CLEC2D: variants seen among roughly 807,000 people sequenced by gnomAD.
The protein encoded by CLEC2D is C-type lectin domain family 2 member D, also known as C-type lectin related f.
CLEC2D carries 16 observed loss-of-function variants against 20.0 expected under a neutral mutation model. The ratio of observed to expected loss-of-function variants is 0.80; its 90% CI spans 0.54 to 1.22. The LOEUF is 1.22. Among genes scored for constraint, CLEC2D ranks in the 50% most tolerant of loss-of-function variants. The probability of loss-of-function intolerance (pLI) is 0.00; values close to 1 mark genes in which losing one functional copy is unlikely to be tolerated. For missense variants in CLEC2D, 207 were observed against 221.5 expected, an observed-to-expected ratio of 0.93 and a Z score of 0.42; for synonymous variants, 77 against 71.1, an observed-to-expected ratio of 1.08 and a Z score of -0.42.
intron 3 of CLEC2D, among the ~76,000 whole-genome samples, chr12:9,691,450 G>A (rs1320930198): frequency 6.6e-6 from 1 of 152,016 alleles, no homozygotes; most frequent in South Asian, 2.1e-4. Context: ...TACCCAACAA[G>A]AGCAGAATAT....
intron 2 of CLEC2D, among the ~76,000 whole-genome samples, chr12:9,684,614 C>T (rs1308651988): frequency 6.6e-6 from 1 of 152,022 alleles, no homozygotes. Context: ...TTATCAAAGG[C>T]CTTTTCTGCA....
chr12:9,678,004 T>C (rs962085408), intron 1 of CLEC2D, among the ~76,000 whole-genome samples: 1 of 152,286 alleles, frequency 6.6e-6, no homozygotes, highest in South Asian at 2.1e-4. Flanking sequence ...ATTACAGTCA[T>C]GAGCCAATAT....
At chr12:9,684,386 T>C (rs947142516) in intron 2 of CLEC2D, among the ~76,000 whole-genome samples, 1 of 152,232 alleles carries the variant, frequency 6.6e-6, no homozygotes, top group Non-Finnish European at 1.5e-5. Context: ...TTCTTTTACC[T>C]GATTGCCCTG....
chr12:9,692,143 C>T (rs986617941), intron 3 of CLEC2D, among the ~76,000 whole-genome samples: 9 of 151,590 alleles, frequency 5.9e-5, no homozygotes, highest in Non-Finnish European at 1.0e-4. Flanking sequence ...TTCGTTCGTT[C>T]GTTTCTTTTT....
chr12:9,682,423 G>A (rs1865655654), intron 2 of CLEC2D, among the ~76,000 whole-genome samples: 2 of 151,896 alleles, frequency 1.3e-5, no homozygotes, highest in Admixed American at 6.6e-5. Flanking sequence ...GAACCCGCAG[G>A]TTCGTTACAT....
intron 1 of CLEC2D, among the ~76,000 whole-genome samples, chr12:9,673,177 T>C (rs1865456897): frequency 6.6e-6 from 1 of 152,246 alleles, no homozygotes; most frequent in African/African-American, 2.4e-5. Context: ...GTTTTTTCAT[T>C]GTTTTTTCCT....
chr12:9,695,280 A>G lies in CLEC2D; in HGVS notation c.*406A>G, dbSNP rs1161901820. On this transcript the variant is annotated 3_prime_UTR_variant, in exon 5 of 5. Transcript: ENST00000290855. ...TCAGATATCTTGAGACAAGAACAGT[A>G]TGGGGCTCCCTGGTGTGATTCCGTC... 8.5e-6 allele frequency: 6 copies of G among 705,872 alleles called. No homozygotes were observed. Among genetic ancestry groups the G allele is most frequent in the African/African-American group, 1.8e-5 (1 of 57,106 alleles). 43.7% of individuals were successfully genotyped at this position (705,872 alleles called of 1,614,324 possible). A position where few individuals can be genotyped will look rare whatever the true frequency, so the allele number is the denominator to read the frequency against.
Position 9,696,729 on chromosome 12 carries a change from G to T in CLEC2D, c.*1855G>T, listed in dbSNP as rs1866003468. The T allele has an allele frequency of 6.4e-6, 1 of 155,254 alleles. No individual in the cohort carries two copies. Among genetic ancestry groups the T allele is most frequent in the South Asian group, 2.0e-4 (1 of 4,930 alleles). The allele number at this position is 155,254 out of a possible 1,614,324, so 9.6% of individuals were successfully genotyped here. ...AAATAACAAGCATTGGTGAGAGTGT[G>T]GAGAAGACGGAACCCTTGTACACAG... On this transcript the variant is annotated 3_prime_UTR_variant, in exon 5 of 5. Transcript: ENST00000290855.
chr12:9,686,018 C>CA (rs1186425765), intron 2 of CLEC2D, among the ~76,000 whole-genome samples: 2 of 152,054 alleles, frequency 1.3e-5, no homozygotes, highest in African/African-American at 4.8e-5. Context: ...CTGTGGGTTG[C>CA]AAAAACCGTG....
At position 9,691,184 on chromosome 12, in the gene CLEC2D, T is replaced by G. The variant is rs763050276; in HGVS notation, c.358-1644T>G. ...TTACAAGAGAAAAAGAAGGGCATTA[T>G]GCATTGACAAAAATTTTGACATAGC... is the stretch of plus-strand genomic sequence containing the variant. On this transcript the variant is annotated intron_variant, in intron 3 of 4. Coordinates refer to ENST00000290855, the MANE Select transcript of CLEC2D (RefSeq NM_013269.6). 5.3e-5 allele frequency among the ~76,000 whole-genome samples: 8 copies of G among 151,358 alleles called. No homozygotes were observed. The East Asian group carries it at 1.5e-3, about 29-fold the overall frequency.
intron 1 of CLEC2D, among the ~76,000 whole-genome samples, chr12:9,678,617 G>A (rs915658615): frequency 1.8e-4 from 27 of 152,098 alleles, no homozygotes; most frequent in African/African-American, 6.5e-4. Context: ...ATAGCTCCCT[G>A]TACCCTTGAA....
chr12:9,691,397 C>T (rs774739047), intron 3 of CLEC2D, among the ~76,000 whole-genome samples: 6 of 152,098 alleles, frequency 3.9e-5, no homozygotes, highest in Non-Finnish European at 5.9e-5. Context: ...ATTTGAACAA[C>T]ACTATAAACC....
Position 9,681,002 on chromosome 12 carries a change from C to T in CLEC2D, c.141C>T (p.Ile47=), listed in dbSNP as rs892148226. The T allele has an allele frequency of 6.3e-7, 1 of 1,598,338 alleles. No homozygotes were observed. The highest frequency in any genetic ancestry group is 1.7e-5 in the Admixed American group (1 of 59,942). The stretch of plus-strand genomic sequence containing the variant: ...TTTTCTTAATCATGTTTCTGACAAT[C>T]ATAGTGTGTGGAATGGTTGCTGCTT... The part of the protein sequence containing the change: ...RLFFLIMFLT[I]IVCGMVAALS... The change falls in exon 2 of 5, where the codon ATC becomes ATT. Residue 47 remains isoleucine (I), a synonymous_variant. Transcript: ENST00000290855.
chr12:9,684,205 T>G (rs947029764), intron 2 of CLEC2D, among the ~76,000 whole-genome samples: 1 of 152,226 alleles, frequency 6.6e-6, no homozygotes, highest in African/African-American at 2.4e-5. Context: ...GGAATGCTTG[T>G]GATTTTTGCA....
intron 4 of CLEC2D, 106 bp downstream of exon 4, chr12:9,693,037 A>G (rs1223347754): frequency 6.2e-6 from 10 of 1,613,098 alleles, no homozygotes; most frequent in Non-Finnish European, 8.5e-6. Context: ...TTTTAAGGTT[A>G]GTCATGAAAG....
chr12:9,684,508 G>A (rs916320073), intron 2 of CLEC2D, among the ~76,000 whole-genome samples: 2 of 152,096 alleles, frequency 1.3e-5, no homozygotes, highest in Non-Finnish European at 2.9e-5. Context: ...TATGATATTC[G>A]CTATGAGTTT....
intron 3 of CLEC2D, among the ~76,000 whole-genome samples, chr12:9,690,563 TATAAATA>T (rs1369356333): frequency 6.6e-6 from 1 of 152,068 alleles, no homozygotes; most frequent in East Asian, 1.9e-4. Flanking sequence ...GAATAAAAAT[TATAAATA>T]TGATAGTGGT....
In CLEC2D at chr12:9,696,282, G is replaced by A; in HGVS notation, c.*1408G>A. Reference sequence around the variant, plus strand: ...AAATTTTCCATCTTATTTCATTTCTGTAACAGTTGATATCTGGCTGTCCTT... The same window carrying A: ...AAATTTTCCATCTTATTTCATTTCTATAACAGTTGATATCTGGCTGTCCTT... On this transcript the variant is annotated 3_prime_UTR_variant, in exon 5 of 5. Transcript: ENST00000290855. The A allele has an allele frequency of 2.8e-6, 2 of 717,552 alleles. No individual in the cohort carries two copies. Among genetic ancestry groups the A allele is most frequent in the Non-Finnish European group, 2.5e-6 (1 of 392,412 alleles). 44.4% of individuals were successfully genotyped at this position (717,552 alleles called of 1,614,324 possible). A position where few individuals can be genotyped will look rare whatever the true frequency, so the allele number is the denominator to read the frequency against.
At chr12:9,688,158 A>G in intron 3 of CLEC2D, 72 bp downstream of exon 3, 1 of 1,387,330 alleles carries the variant, frequency 7.2e-7, no homozygotes, top group Non-Finnish European at 9.4e-7. Flanking sequence ...AAATTATCTA[A>G]GAGGTAGGTT....
Sources: allele counts gnomAD v4.1 joint callset (sites outside exome capture counted in the v4.1 genomes callset), GRCh38; gene constraint gnomAD v4.1.1; transcripts MANE v1.5; gene names NCBI Gene and HGNC (gene_info 2026-07-23, HGNC 2026-07-21).